The following SAMD3 variants were observed in gnomAD, a reference collection of about 807,000 sequenced individuals.
The protein encoded by SAMD3 is sterile alpha motif domain containing 3.
SAMD3 carries 63 observed loss-of-function variants against 58.5 expected under a neutral mutation model. The observed-to-expected ratio is 1.08, with a 90% CI of 0.88 to 1.33. The LOEUF (loss-of-function observed/expected upper bound fraction) is 1.33, where lower values mean the gene tolerates loss of function less well. Ranked by LOEUF, SAMD3 falls within the 40% of genes most tolerant of loss-of-function variation. The pLI is 0.00. For synonymous variants in SAMD3, 220 were observed against 210.3 expected, an observed-to-expected ratio of 1.05 and a Z score of -0.40; for missense variants, 604 against 608.4, an observed-to-expected ratio of 0.99 and a Z score of 0.08.
chr6:130,227,200 C>T (rs1465256909), upstream of SAMD3, among the ~76,000 whole-genome samples: 5 of 152,078 alleles, frequency 3.3e-5, no homozygotes, highest in Non-Finnish European at 2.9e-5. Context: ...TTTAGGTATG[C>T]CATATAAGTG....
intron 7 of SAMD3, among the ~76,000 whole-genome samples, chr6:130,178,379 A>G (rs200920319): frequency 0.059 from 8,240 of 139,666 alleles, 736 homozygotes; most frequent in African/African-American, 0.19. Context: ...AGTGCGGGGA[A>G]GGGAAAAAAA....
upstream of SAMD3, among the ~76,000 whole-genome samples, chr6:130,224,223 G>A (rs1033000685): frequency 2.0e-5 from 3 of 152,094 alleles, no homozygotes; most frequent in Non-Finnish European, 4.4e-5. Flanking sequence ...ATGTCCAGCC[G>A]CTTGTGTCTG....
intron 1 of SAMD3, among the ~76,000 whole-genome samples, chr6:130,359,847 T>C (rs1777934591): frequency 6.6e-6 from 1 of 152,212 alleles, no homozygotes; most frequent in South Asian, 2.1e-4. Context: ...AATGCATAGC[T>C]TCCAGGGATA....
At chr6:130,225,048 GAGAC>G (rs1015320642), upstream of SAMD3, among the ~76,000 whole-genome samples, 5 of 152,162 alleles carry the variant, frequency 3.3e-5, no homozygotes, top group African/African-American at 7.2e-5. Context: ...GAGATAAAGA[GAGAC>G]AGACAGAGAC....
At chr6:130,365,855 T>C, upstream of SAMD3, 1 of 984,624 alleles carries the variant, frequency 1.0e-6, no homozygotes, top group Non-Finnish European at 1.2e-6. Flanking sequence ...CCAGGAGGAG[T>C]GGGTGGCAGG....
At chr6:130,211,055 G>A (rs1354975875) in intron 4 of SAMD3, among the ~76,000 whole-genome samples, 1 of 151,958 alleles carries the variant, frequency 6.6e-6, no homozygotes, top group East Asian at 2.0e-4. Context: ...GGGAGGCAGA[G>A]GTTGCAGTGA....
chr6:130,289,848 G>A (rs561869155), intron 2 of SAMD3, among the ~76,000 whole-genome samples: 28 of 152,262 alleles, frequency 1.8e-4, no homozygotes, highest in Non-Finnish European at 2.5e-4. Flanking sequence ...GGTAGGTGAT[G>A]GCAAACTCAT....
intron 5 of SAMD3, among the ~76,000 whole-genome samples, chr6:130,195,653 G>T (rs974472551): frequency 2.0e-5 from 3 of 152,080 alleles, no homozygotes; most frequent in Non-Finnish European, 2.9e-5. Context: ...CACTTGGACT[G>T]ACCCTGACAC....
At chr6:130,190,644 A>C (rs6904801) in intron 5 of SAMD3, among the ~76,000 whole-genome samples, 11,465 of 152,238 alleles carry the variant, frequency 0.075, 503 homozygotes, top group South Asian at 0.13. Context: ...GAAATGATCC[A>C]ATCTGAAAAA....
At chr6:130,314,864 T>C (rs575319138) in intron 1 of SAMD3, among the ~76,000 whole-genome samples, 163 of 152,198 alleles carry the variant, frequency 1.1e-3, no homozygotes, top group Non-Finnish European at 1.9e-3. Context: ...TATAGCTACA[T>C]GCAATTTTGA....
At chr6:130,247,930 T>C (rs1238062621) in intron 2 of SAMD3, among the ~76,000 whole-genome samples, 2 of 152,166 alleles carry the variant, frequency 1.3e-5, no homozygotes, top group Non-Finnish European at 2.9e-5. Flanking sequence ...TCTGCTTGCG[T>C]CTTCTGTTTC....
At chr6:130,200,427 T>C (rs1191142329) in intron 5 of SAMD3, among the ~76,000 whole-genome samples, 1 of 151,152 alleles carries the variant, frequency 6.6e-6, no homozygotes, top group East Asian at 1.9e-4. Context: ...CATGCAACTG[T>C]AGTCCCAGCT....
chr6:130,244,612 C>G (rs1376669199), intron 2 of SAMD3, among the ~76,000 whole-genome samples: 1 of 151,968 alleles, frequency 6.6e-6, no homozygotes, highest in Non-Finnish European at 1.5e-5. Flanking sequence ...TGGTGCTGTG[C>G]ACCTGCAATC....
chr6:130,292,128 G>A (rs543377307), intron 2 of SAMD3, among the ~76,000 whole-genome samples: 1 of 152,094 alleles, frequency 6.6e-6, no homozygotes, highest in African/African-American at 2.4e-5. Flanking sequence ...ACCAAGGAAG[G>A]CTCTCACAGG....
intron 2 of SAMD3, among the ~76,000 whole-genome samples, chr6:130,244,597 G>A (rs563123210): frequency 3.6e-4 from 55 of 152,020 alleles, no homozygotes; most frequent in African/African-American, 1.2e-3. Flanking sequence ...AAAATTAGCC[G>A]GGTGTGGTGC....
rs528112795 is a variant in SAMD3, at chr6:130,349,686, T to C, written c.-304+15434A>G. ...TTCCTTCTGAAATTATTCCAATCAA[T>C]AGAAAAAGAGGGAATCCTCCCTAAC... On this transcript the variant is annotated intron_variant, in intron 1 of 13. Coordinates refer to the SAMD3 transcript ENST00000368134. 2.1e-4 allele frequency among the ~76,000 whole-genome samples: 32 copies of C among 152,230 alleles called. No homozygotes were observed. The South Asian group carries it at 6.4e-3, about 31-fold the overall frequency.
intron 7 of SAMD3, chr6:130,183,217 G>A (rs545726732): frequency 1.8e-4 from 67 of 378,336 alleles, no homozygotes; most frequent in African/African-American, 1.4e-3. Context: ...ATCCTAATGT[G>A]CAACCAGAGC....
At chr6:130,175,745 ATTTTG>A (rs1369829398) in intron 8 of SAMD3, 91 bp downstream of exon 8, 1 of 819,354 alleles carries the variant, frequency 1.2e-6, no homozygotes, top group East Asian at 2.7e-5. Context: ...AAGGTATCTT[ATTTTG>A]TTTTAATTAT....
intron 5 of SAMD3, among the ~76,000 whole-genome samples, chr6:130,201,302 C>T (rs1412228403): frequency 1.3e-5 from 2 of 152,142 alleles, no homozygotes; most frequent in Non-Finnish European, 2.9e-5. Flanking sequence ...TCAATTCTCA[C>T]TATACATTAT....
Sources: gnomAD v4.1 joint callset for allele counts (sites outside exome capture counted in the v4.1 genomes callset) on GRCh38, gnomAD v4.1.1 for gene constraint, MANE v1.5 for transcripts, NCBI Gene and HGNC (gene_info 2026-07-23, HGNC 2026-07-21) for gene names.